TENM2: variants seen among roughly 807,000 people sequenced by gnomAD.
TENM2 encodes the protein teneurin transmembrane protein 2, also known as teneurin-2.
In TENM2, 52 loss-of-function variants were observed where a neutral mutation model predicts 245.2. The ratio of observed to expected loss-of-function variants is 0.21; its 90% CI spans 0.17 to 0.27. The LOEUF (loss-of-function observed/expected upper bound fraction) is 0.27. Ranked by LOEUF, TENM2 falls within the 10% of genes least tolerant of loss-of-function variation. The pLI is 1.00. For missense variants in TENM2, 3,046 were observed against 3,666.8 expected, an observed-to-expected ratio of 0.83 and a Z score of 4.37; for synonymous variants, 1,363 against 1,438.9, an observed-to-expected ratio of 0.95 and a Z score of 1.19.
intron 2 of TENM2, among the ~76,000 whole-genome samples, chr5:167,609,366 C>A (rs1777285575): frequency 6.6e-6 from 1 of 151,876 alleles, no homozygotes; most frequent in Admixed American, 6.6e-5. Context: ...TTAAATGTGG[C>A]CTGTGTGGGC....
In TENM2 at chr5:167,581,921, G is replaced by T. The variant is rs553182989; in HGVS notation, c.502+206448G>T. ...TTTAGTAATCAAAAACATTGAGAGA[G>T]AAAAAAAAAAAATCAAGCGTTACAA... On this transcript the variant is annotated intron_variant, in intron 2 of 28. Transcript: ENST00000518659. 5.8e-4 allele frequency among the ~76,000 whole-genome samples: 82 copies of T among 140,642 alleles called. No homozygotes were observed. In the South Asian group the frequency reaches 0.018, roughly 30 times the overall value. 92.3% of individuals were successfully genotyped at this position (140,642 alleles called of 152,430 possible).
chr5:167,454,511 ATC>A (rs1582093369), intron 2 of TENM2, among the ~76,000 whole-genome samples: 2 of 150,460 alleles, frequency 1.3e-5, no homozygotes, highest in Admixed American at 6.6e-5. Flanking sequence ...TGTATTTCTC[ATC>A]TCTGTGTGTG....
At chr5:167,531,347 A>T (rs948833488) in intron 2 of TENM2, among the ~76,000 whole-genome samples, 1 of 151,836 alleles carries the variant, frequency 6.6e-6, no homozygotes, top group Non-Finnish European at 1.5e-5. Flanking sequence ...ACTGTTTTCT[A>T]TTTTCCCAGC....
At chr5:168,171,274 C>T (rs1758799348) in intron 13 of TENM2, among the ~76,000 whole-genome samples, 1 of 152,224 alleles carries the variant, frequency 6.6e-6, no homozygotes. Flanking sequence ...ACTGTAAGTT[C>T]AATGAGTCTA....
At chr5:168,187,098 A>T (rs1276903207) in intron 13 of TENM2, 2 of 152,190 alleles carry the variant, frequency 1.3e-5, no homozygotes, top group Admixed American at 1.3e-4. Context: ...GGAGCAGGTA[A>T]ATGTAAATAT....
chr5:168,169,071 T>C (rs1376594592), intron 13 of TENM2, among the ~76,000 whole-genome samples: 1 of 152,158 alleles, frequency 6.6e-6, no homozygotes, highest in Non-Finnish European at 1.5e-5. Flanking sequence ...GTGACAGAGA[T>C]GGACCATCTT....
chr5:167,694,095 A>G (rs1487748175), intron 2 of TENM2, among the ~76,000 whole-genome samples: 1 of 152,206 alleles, frequency 6.6e-6, no homozygotes, highest in Non-Finnish European at 1.5e-5. Context: ...ATGTACAAAA[A>G]TCATCAGCCT....
At chr5:168,113,626 G>T (rs1268011709) in intron 9 of TENM2, among the ~76,000 whole-genome samples, 2 of 151,888 alleles carry the variant, frequency 1.3e-5, no homozygotes, top group African/African-American at 4.8e-5. Flanking sequence ...GGGGCTGGGA[G>T]GGCGGGGGAG....
chr5:167,966,188 A>T lies in TENM2; in HGVS notation c.947+13366A>T, dbSNP rs376447502. On this transcript the variant is annotated intron_variant, in intron 4 of 28. Transcript: ENST00000518659. ...CATGGTGGTGGCAGCATAGCATATG[A>T]TTTACGGGGAGAGGTTTTATGCCCT... 1.2e-3 allele frequency among the ~76,000 whole-genome samples: 178 copies of T among 152,280 alleles called. 4 individuals carry two copies. In the South Asian group the frequency reaches 0.035, roughly 30 times the overall value.
Position 167,722,505 on chromosome 5 carries a change from TAG to T in TENM2, c.503-153479_503-153478del, listed in dbSNP as rs549330808. 3.3e-3 allele frequency among the ~76,000 whole-genome samples: 509 copies of T among 152,320 alleles called. 3 individuals are homozygous for T. The highest frequency in any genetic ancestry group is 0.012 in the African/African-American group (491 of 41,574). ...AGAGATTTTTTAATAGACTAGTTTT[TAG>T]AATTCACGGATTCTTGTTGAGGGTG... On this transcript the variant is annotated intron_variant, in intron 2 of 28. Coordinates refer to ENST00000518659, the Ensembl canonical transcript of TENM2.
At chr5:167,301,748 C>T (rs749214602) in intron 1 of TENM2, among the ~76,000 whole-genome samples, 3 of 152,162 alleles carry the variant, frequency 2.0e-5, no homozygotes, top group Non-Finnish European at 4.4e-5. Flanking sequence ...AGCCTAAACG[C>T]TATCTGATTT....
intron 20 of TENM2, 50 bp downstream of exon 22, chr5:168,211,804 C>A: frequency 8.3e-7 from 1 of 1,200,738 alleles, no homozygotes; most frequent in Non-Finnish European, 1.2e-6. Context: ...TCGTTTGCTT[C>A]CTTGTGTTTG....
At chr5:168,174,254 G>A (rs913823935) in intron 13 of TENM2, among the ~76,000 whole-genome samples, 3 of 152,166 alleles carry the variant, frequency 2.0e-5, no homozygotes, top group African/African-American at 7.2e-5. Context: ...TTCTCCCAGG[G>A]AGGGGAGACA....
chr5:167,452,418 G>C (rs1488118420), intron 2 of TENM2, among the ~76,000 whole-genome samples: 7 of 152,144 alleles, frequency 4.6e-5, no homozygotes, highest in Non-Finnish European at 7.3e-5. Context: ...TTCTCTTATG[G>C]TTGGGAACAG....
intron 25 of TENM2, 107 bp downstream of exon 27, chr5:168,228,237 A>G (rs754472567): frequency 5.7e-6 from 5 of 882,164 alleles, no homozygotes; most frequent in South Asian, 1.6e-5. Context: ...GGGGATATAC[A>G]CTTTCCTCAC....
the TENM2 span, among the ~76,000 whole-genome samples, chr5:167,086,722 G>A: frequency 1.7e-4 from 26 of 151,986 alleles, no homozygotes; most frequent in African/African-American, 5.8e-4. Context: ...TTCTCCAGTT[G>A]GTGTTCTGCA....
At chr5:167,672,461 C>T (rs1391515632) in intron 2 of TENM2, among the ~76,000 whole-genome samples, 2 of 151,988 alleles carry the variant, frequency 1.3e-5, no homozygotes, top group African/African-American at 4.8e-5. Flanking sequence ...AGATCCATGC[C>T]TGTGGCCTTC....
chr5:167,288,841 A>G (rs1341204067), intron 1 of TENM2, among the ~76,000 whole-genome samples: 1 of 152,212 alleles, frequency 6.6e-6, no homozygotes, highest in Admixed American at 6.5e-5. Flanking sequence ...GTGTTTCATC[A>G]CGTCCCAAAA....
chr5:167,401,983 T>C (rs895354319), intron 2 of TENM2, among the ~76,000 whole-genome samples: 8 of 152,140 alleles, frequency 5.3e-5, no homozygotes, highest in Admixed American at 6.5e-5. Flanking sequence ...GGCCCTTCCC[T>C]CCTTTACTTT....
Sources: allele counts gnomAD v4.1 joint callset (sites outside exome capture counted in the v4.1 genomes callset), GRCh38; gene constraint gnomAD v4.1.1; transcripts MANE v1.5; gene names NCBI Gene and HGNC (gene_info 2026-07-23, HGNC 2026-07-21).